The following ZNF236 variants were observed in gnomAD, a reference collection of about 807,000 sequenced individuals.
ZNF236 encodes the protein regulated by glucose.
Under a neutral mutation model 191.2 loss-of-function variants are expected in ZNF236, and 50 were observed. That is an observed-to-expected ratio of 0.26 (90% CI 0.21 to 0.33). The LOEUF (loss-of-function observed/expected upper bound fraction) is 0.33. Among genes scored for constraint, ZNF236 ranks in the 10% least tolerant of loss-of-function variants. ZNF236 has a pLI of 1.00. For missense variants in ZNF236, 1,754 were observed against 2,374.5 expected (o/e 0.74, Z 5.43); for synonymous variants, 907 against 928.8 (o/e 0.98, Z 0.43).
At chr18:76,944,889 T>C (rs1383563480) in intron 26 of ZNF236, among the ~76,000 whole-genome samples, 1 of 152,232 alleles carries the variant, frequency 6.6e-6, no homozygotes, top group Non-Finnish European at 1.5e-5. Flanking sequence ...TTTGAGATAA[T>C]TGTAGACTCA....
chr18:76,881,625 T>C, intron 9 of ZNF236, 113 bp downstream of exon 9: 1 of 951,314 alleles, frequency 1.1e-6, no homozygotes. Flanking sequence ...TGTTGAATGT[T>C]TTGTAGCTAG....
chr18:76,908,588 A>T lies in ZNF236; in HGVS notation c.2551+15A>T. On this transcript the variant is annotated intron_variant, in intron 14 of 30. Transcript: ENST00000320610. ...AGCAGATGAAGGTAAATGTTTCAGG[A>T]TATTTAACTTTGAGTGATCCCAGCA... 6.3e-7 allele frequency: 1 copy of T among 1,589,548 alleles called. No individual in the cohort carries two copies. Among genetic ancestry groups the T allele is most frequent in the Non-Finnish European group, 8.6e-7 (1 of 1,168,296 alleles).
intron 15 of ZNF236, 70 bp from the exon 16 acceptor site, chr18:76,910,590 A>G (rs1454370514): frequency 1.4e-6 from 2 of 1,470,836 alleles, no homozygotes; most frequent in Non-Finnish European, 1.9e-6. Flanking sequence ...AAATTTATAA[A>G]CCTTTTCTTA....
chr18:76,910,731 A>C lies in ZNF236; in HGVS notation c.2725A>C (p.Thr909Pro). The C allele has an allele frequency of 6.2e-7, 1 of 1,614,194 alleles. No homozygotes were observed. The highest frequency in any genetic ancestry group is 8.5e-7 in the Non-Finnish European group (1 of 1,180,028). The change falls in exon 16 of 31, where the codon ACA becomes CCA. Residue 909 changes from threonine to proline, a missense_variant. Around this residue, in one of 5 missense-constraint regions of ZNF236, gnomAD observed 641 missense variants for 869.6 expected, o/e 0.74. Coordinates refer to ENST00000320610, the MANE Select transcript of ZNF236 (RefSeq NM_001306089.2). ...TGTCCAACAGCTACAGGATTCCAGC[A>C]CACTTGAGTCTCAGGCCCTCTCCAC... ...PPVQQLQDSS[T>P]LESQALSTSF...
rs138702548 is a variant in ZNF236 at position 76,850,556 on chromosome 18, C to T, written c.198+888C>T. ...TGGGAAAATCTTAGACCTAGATAAG[C>T]AAACTCTGTTAAAATCTAGTAAAAT... On this transcript the variant is annotated intron_variant, in intron 2 of 30. Coordinates refer to ENST00000320610, the MANE Select transcript of ZNF236 (RefSeq NM_001306089.2). Among the ~76,000 whole-genome samples, 6 of 152,082 alleles carry T rather than the reference C, an allele frequency of 3.9e-5. No homozygotes were observed. In the East Asian group the frequency reaches 1.2e-3, roughly 29 times the overall value.
intron 11 of ZNF236, among the ~76,000 whole-genome samples, chr18:76,901,255 CAT>C (rs990394068): frequency 2.6e-5 from 4 of 152,046 alleles, no homozygotes; most frequent in African/African-American, 7.2e-5. Context: ...CATGAGAAAA[CAT>C]AGGAATGAGA....
At chr18:76,833,067 C>G (rs1432598548) in intron 1 of ZNF236, among the ~76,000 whole-genome samples, 5 of 152,092 alleles carry the variant, frequency 3.3e-5, no homozygotes, top group African/African-American at 9.6e-5. Flanking sequence ...GTATTGTATC[C>G]AAAGTCTTTT....
At chr18:76,940,477 G>A (rs1968111051) in intron 26 of ZNF236, among the ~76,000 whole-genome samples, 1 of 152,200 alleles carries the variant, frequency 6.6e-6, no homozygotes, top group African/African-American at 2.4e-5. Context: ...TCTTATTGTA[G>A]ACTTTTAACT....
intron 26 of ZNF236, among the ~76,000 whole-genome samples, chr18:76,942,503 A>G (rs1029261572): frequency 6.6e-6 from 1 of 151,596 alleles, no homozygotes; most frequent in African/African-American, 2.4e-5. Context: ...AATTTTTTTA[A>G]TTTTTTATTT....
intron 9 of ZNF236, 39 bp from the exon 10 acceptor site, chr18:76,894,974 G>C: frequency 6.3e-7 from 1 of 1,597,246 alleles, no homozygotes; most frequent in Non-Finnish European, 8.5e-7. Context: ...CCTAGGCGGG[G>C]TGTCCAGGCC....
rs1030898149 is a variant in ZNF236, at chr18:76,960,998, G to T, written c.5419+143G>T. The T allele has an allele frequency of 1.0e-6, 1 of 956,774 alleles. No homozygotes were observed. Among genetic ancestry groups the T allele is most frequent in the Non-Finnish European group, 1.5e-6 (1 of 664,974 alleles). The allele number at this position is 956,774 out of a possible 1,614,324, so 59.3% of individuals were successfully genotyped here. On this transcript the variant is annotated intron_variant, in intron 30 of 30. Transcript: ENST00000320610. The surrounding 1 kb of genome is among the most constrained non-coding windows in gnomAD (Gnocchi z 4.4). ...TCAGTTGTGTGGACTGGAAGCTTGTGCTTTATTTTATTTTTTGATTTCCAT... is the reference window on the plus strand; with the variant it reads ...TCAGTTGTGTGGACTGGAAGCTTGTTCTTTATTTTATTTTTTGATTTCCAT...
chr18:76,862,443 C>T (rs9954823), intron 3 of ZNF236, among the ~76,000 whole-genome samples: 3,615 of 152,216 alleles, frequency 0.024, 120 homozygotes, highest in African/African-American at 0.079. Flanking sequence ...TCGATTTCCC[C>T]GGTGCTTGGG....
intron 11 of ZNF236, 40 bp downstream of exon 11, chr18:76,899,262 A>G (rs772275977): frequency 1.3e-6 from 2 of 1,547,722 alleles, no homozygotes; most frequent in Non-Finnish European, 1.8e-6. Flanking sequence ...TTTATTGAGT[A>G]CTATTTTCTT....
chr18:76,868,250 A>G (rs1976470741), intron 3 of ZNF236, among the ~76,000 whole-genome samples: 1 of 152,072 alleles, frequency 6.6e-6, no homozygotes, highest in African/African-American at 2.4e-5. Context: ...TCTACTAAAA[A>G]CTTGGAAGCT....
chr18:76,905,082 G>C (rs1977703056), intron 12 of ZNF236, 73 bp from the exon 13 acceptor site: 1 of 1,398,520 alleles, frequency 7.2e-7, no homozygotes, highest in African/African-American at 1.4e-5. Context: ...CGAAATGCAA[G>C]AGTGCATTCT....
At chr18:76,914,988 T>C (rs996338397) in intron 18 of ZNF236, among the ~76,000 whole-genome samples, 1 of 152,224 alleles carries the variant, frequency 6.6e-6, no homozygotes, top group Non-Finnish European at 1.5e-5. Flanking sequence ...GGAGTGGTTT[T>C]AGTGGATACT....
At chr18:76,864,076 G>C (rs1429978813) in intron 3 of ZNF236, among the ~76,000 whole-genome samples, 6 of 152,138 alleles carry the variant, frequency 3.9e-5, no homozygotes, top group Non-Finnish European at 8.8e-5. Context: ...TTCTCCCGCA[G>C]ACGGCCTTTG....
chr18:76,844,886 T>G (rs1468928751), intron 1 of ZNF236, among the ~76,000 whole-genome samples: 1 of 152,204 alleles, frequency 6.6e-6, no homozygotes, highest in Admixed American at 6.5e-5. Context: ...TGGTGCCAAG[T>G]CATGACAGAC....
In ZNF236 at chr18:76,847,627, G is replaced by A. The variant is rs146496158; in HGVS notation, c.56-1899G>A. 1.4e-3 allele frequency among the ~76,000 whole-genome samples: 207 copies of A among 152,162 alleles called. 1 individual carries two copies. Among genetic ancestry groups the A allele is most frequent in the Middle Eastern group, 3.4e-3 (1 of 294 alleles). ...GCTACAGGCGCCCACCACCACGCCC[G>A]GCTGATTTTTTCTGTGTGTCTTTAG... On this transcript the variant is annotated intron_variant, in intron 1 of 30. Coordinates refer to ENST00000320610, the MANE Select transcript of ZNF236 (RefSeq NM_001306089.2).
Sources: allele counts gnomAD v4.1 joint callset (sites outside exome capture counted in the v4.1 genomes callset), GRCh38; gene constraint gnomAD v4.1.1; regional missense constraint gnomAD v4.1.1; non-coding constraint Gnocchi (gnomAD v3.1); transcripts MANE v1.5; gene names NCBI Gene and HGNC (gene_info 2026-07-23, HGNC 2026-07-21).